The following PPP2R2B variants were observed in gnomAD, a reference collection of about 807,000 sequenced individuals.
PPP2R2B encodes protein phosphatase 2 regulatory subunit Bbeta.
In PPP2R2B, 5 loss-of-function variants were observed where a neutral mutation model predicts 46.0. The observed-to-expected ratio is 0.11, with a 90% CI of 0.06 to 0.23. The LOEUF (loss-of-function observed/expected upper bound fraction) is 0.23. Ranked by LOEUF, PPP2R2B falls within the 10% of genes least tolerant of loss-of-function variation. PPP2R2B has a pLI of 1.00. For synonymous variants in PPP2R2B, 215 were observed against 206.7 expected, an observed-to-expected ratio of 1.04 and a Z score of -0.34; for missense variants, 367 against 575.0, an observed-to-expected ratio of 0.64 and a Z score of 3.70.
chr5:147,051,891 T>A (rs1756845294), intron 1 of PPP2R2B, among the ~76,000 whole-genome samples: 1 of 150,516 alleles, frequency 6.6e-6, no homozygotes, highest in Non-Finnish European at 1.5e-5. Context: ...GCCTCCCAAG[T>A]AGCTGGGACT....
chr5:146,889,676 G>A (rs319192), intron 1 of PPP2R2B, among the ~76,000 whole-genome samples: 1 of 151,970 alleles, frequency 6.6e-6, no homozygotes. Context: ...TAACCTTTCC[G>A]TATAAGTCAT....
intron 9 of PPP2R2B, among the ~76,000 whole-genome samples, chr5:146,590,605 C>CGAA (rs1304733704): frequency 1.3e-5 from 2 of 152,062 alleles, no homozygotes; most frequent in Admixed American, 6.5e-5. Context: ...TGAGGTTTGT[C>CGAA]GAAGTAGACA....
intron 1 of PPP2R2B, among the ~76,000 whole-genome samples, chr5:146,921,453 C>T (rs1561519924): frequency 6.6e-6 from 1 of 152,182 alleles, no homozygotes; most frequent in South Asian, 2.1e-4. Context: ...TCCAGCAACT[C>T]GCATTCCCTA....
intron 2 of PPP2R2B, among the ~76,000 whole-genome samples, chr5:147,075,082 T>A (rs1027494879): frequency 6.6e-6 from 1 of 152,166 alleles, no homozygotes; most frequent in Non-Finnish European, 1.5e-5. Context: ...CTGCACCAGA[T>A]AATTCTTTTT....
chr5:146,690,216 C>T (rs1778760119), intron 5 of PPP2R2B, among the ~76,000 whole-genome samples: 1 of 152,168 alleles, frequency 6.6e-6, no homozygotes, highest in Non-Finnish European at 1.5e-5. Context: ...CAACATGTGC[C>T]TGCTTTACTG....
At chr5:146,919,778 A>C (rs1763528261) in intron 1 of PPP2R2B, 1 of 152,230 alleles carries the variant, frequency 6.6e-6, no homozygotes, top group African/African-American at 2.4e-5. Context: ...TTTAATGTTT[A>C]ATCTGTAGAC....
intron 2 of PPP2R2B, among the ~76,000 whole-genome samples, chr5:146,710,668 G>A (rs1780166310): frequency 6.6e-6 from 1 of 152,232 alleles, no homozygotes; most frequent in South Asian, 2.1e-4. Flanking sequence ...AAAAAGCAGA[G>A]GAGTAATTAA....
intron 1 of PPP2R2B, chr5:147,054,482 TG>T (rs1489894704): frequency 1.4e-5 from 4 of 292,258 alleles, no homozygotes; most frequent in Non-Finnish European, 2.1e-5. Flanking sequence ...AATGTCCAAC[TG>T]TAAAAAAAAA....
At chr5:146,789,003 C>T (rs571713197) in intron 2 of PPP2R2B, among the ~76,000 whole-genome samples, 1 of 152,248 alleles carries the variant, frequency 6.6e-6, no homozygotes, top group South Asian at 2.1e-4. Flanking sequence ...GGGCTCAGAT[C>T]AGTTGGGACC....
chr5:146,927,123 C>T (rs537995167), intron 1 of PPP2R2B, among the ~76,000 whole-genome samples: 1 of 152,198 alleles, frequency 6.6e-6, no homozygotes, highest in South Asian at 2.1e-4. Flanking sequence ...TCCCAGTGTT[C>T]CTGAGTGATG....
intron 1 of PPP2R2B, among the ~76,000 whole-genome samples, chr5:146,944,826 A>G (rs552658937): frequency 1.3e-5 from 2 of 152,250 alleles, no homozygotes; most frequent in South Asian, 4.1e-4. Flanking sequence ...GCATCTAGAT[A>G]ATAGGGAAGA....
chr5:146,664,778 G>A (rs551872602), intron 5 of PPP2R2B, among the ~76,000 whole-genome samples: 4 of 152,238 alleles, frequency 2.6e-5, no homozygotes, highest in East Asian at 3.9e-4. Flanking sequence ...CTTTCAAAAC[G>A]TATTTCTCAA....
chr5:147,044,768 T>G (rs899407161), intron 1 of PPP2R2B, among the ~76,000 whole-genome samples: 1 of 152,188 alleles, frequency 6.6e-6, no homozygotes, highest in Non-Finnish European at 1.5e-5. Context: ...CCTTGCTGTT[T>G]CTATAGGAAT....
intron 2 of PPP2R2B, among the ~76,000 whole-genome samples, chr5:146,876,324 T>C (rs1270179171): frequency 6.6e-6 from 1 of 152,214 alleles, no homozygotes; most frequent in Admixed American, 6.5e-5. Flanking sequence ...CAATTGACAC[T>C]CCTGTACACA....
At chr5:146,718,396 A>G (rs1780614644) in intron 2 of PPP2R2B, among the ~76,000 whole-genome samples, 1 of 152,066 alleles carries the variant, frequency 6.6e-6, no homozygotes, top group Admixed American at 6.5e-5. Flanking sequence ...TTAAAAAAAA[A>G]AAAGTACGGT....
At chr5:147,068,168 A>G (rs919981997) in intron 2 of PPP2R2B, among the ~76,000 whole-genome samples, 2 of 152,206 alleles carry the variant, frequency 1.3e-5, no homozygotes, top group East Asian at 3.8e-4. Flanking sequence ...TTAGTATCAC[A>G]GCTAACATTT....
At chr5:146,778,760 C>T (rs1229078444) in intron 2 of PPP2R2B, among the ~76,000 whole-genome samples, 1 of 152,174 alleles carries the variant, frequency 6.6e-6, no homozygotes, top group East Asian at 1.9e-4. Context: ...CATAACTGGG[C>T]CACAGAAGGC....
chr5:146,635,984 T>C (rs1310888285), intron 7 of PPP2R2B, among the ~76,000 whole-genome samples: 2 of 152,208 alleles, frequency 1.3e-5, no homozygotes, highest in Non-Finnish European at 2.9e-5. Context: ...CCCATAGTTA[T>C]TTTAAAAGAA....
rs956862848 is a variant in PPP2R2B, at chr5:146,743,140, A to G, written c.71-41998T>C. On this transcript the variant is annotated intron_variant, in intron 2 of 9. Coordinates refer to ENST00000394411, the MANE Select transcript of PPP2R2B (RefSeq NM_181675.4). Reference sequence around the variant, plus strand: ...TATAGTAATACACAAACCAGGTCCTATGGTAAGCACTTTGCTTATATCATT... The same window carrying G: ...TATAGTAATACACAAACCAGGTCCTGTGGTAAGCACTTTGCTTATATCATT... 2.6e-5 allele frequency among the ~76,000 whole-genome samples: 4 copies of G among 152,176 alleles called. No homozygotes were observed. The East Asian group carries it at 5.8e-4, about 22-fold the overall frequency.
Sources: allele counts gnomAD v4.1 joint callset (sites outside exome capture counted in the v4.1 genomes callset), GRCh38; gene constraint gnomAD v4.1.1; transcripts MANE v1.5; gene names NCBI Gene and HGNC (gene_info 2026-07-23, HGNC 2026-07-21).